CACNA1D: variants seen among roughly 807,000 people sequenced by gnomAD.
The protein encoded by CACNA1D is voltage-dependent L-type calcium channel subunit alpha-1D.
A neutral mutation model predicts 257.1 loss-of-function variants in CACNA1D; 55 were observed. That is an observed-to-expected ratio of 0.21 (90% CI 0.17 to 0.27). The LOEUF is 0.27. Among genes scored for constraint, CACNA1D ranks in the 10% least tolerant of loss-of-function variants. CACNA1D has a pLI of 1.00. For synonymous variants in CACNA1D, 980 were observed against 1,014.9 expected, an observed-to-expected ratio of 0.97 and a Z score of 0.65; for missense variants, 1,876 against 2,784.0, an observed-to-expected ratio of 0.67 and a Z score of 7.34.
intron 8 of CACNA1D, chr3:53,679,850 G>T (rs1020839926): frequency 6.6e-6 from 1 of 152,198 alleles, no homozygotes; most frequent in African/African-American, 2.4e-5. Flanking sequence ...TGAGGTTAGG[G>T]TGCCGGAAAG....
chr3:53,810,244 C>T lies in CACNA1D; in HGVS notation c.6138C>T (p.Ser2046=), dbSNP rs1219662050. The change falls in exon 47 of 48, where the codon AGC becomes AGT. Residue 2046 remains serine, a synonymous_variant. Transcript: ENST00000350061. ...FTPASLTVPS[S]FRNKNSDKQR... The stretch of plus-strand genomic sequence containing the variant: ...CAGCCAGCCTGACTGTCCCCAGCAG[C>T]TTCCGGAACAAAAACAGCGACAAGC... The T allele has an allele frequency of 6.2e-7, 1 of 1,613,830 alleles. No homozygotes were observed. Among genetic ancestry groups the T allele is most frequent in the East Asian group, 2.2e-5 (1 of 44,892 alleles).
At chr3:53,697,388 G>A (rs931227207) in intron 8 of CACNA1D, among the ~76,000 whole-genome samples, 2 of 152,178 alleles carry the variant, frequency 1.3e-5, no homozygotes, top group African/African-American at 2.4e-5. Context: ...ATGAAGTGGC[G>A]CCAAGGGGAA....
intron 3 of CACNA1D, among the ~76,000 whole-genome samples, chr3:53,557,611 C>T (rs2092670522): frequency 1.3e-5 from 2 of 152,150 alleles, no homozygotes; most frequent in East Asian, 3.9e-4. Context: ...AGTGTTTCAA[C>T]TCTATTTGTT....
At position 53,787,144 on chromosome 3, in the gene CACNA1D, C is replaced by G. The variant is rs913316171; in HGVS notation, c.4923+192C>G. Among the ~76,000 whole-genome samples the G allele has an allele frequency of 1.5e-4, 23 of 152,258 alleles. No individual in the cohort carries two copies. The South Asian group carries it at 4.6e-3, about 30-fold the overall frequency. On this transcript the variant is annotated intron_variant, in intron 40 of 47. Transcript: ENST00000350061. ...AGGTAAGTGCTTCCCTCCCCGATGC[C>G]TACCCCATAGAGCCCTGCACCTGCC...
At position 53,651,366 on chromosome 3, in the gene CACNA1D, C is replaced by CTTTTTTTTTTTT. The variant is rs779207160; in HGVS notation, c.623+459_623+470dup. On this transcript the variant is annotated intron_variant, in intron 4 of 47. Transcript: ENST00000350061. Reference sequence around the variant, plus strand: ...TCCCTTGAGCAAAGCTATTAATTTTCTTTTTTTTTTTTTTTTTTTTTTGCT... The same window carrying CTTTTTTTTTTTT: ...TCCCTTGAGCAAAGCTATTAATTTTCTTTTTTTTTTTTTTTTTTTTTTTTTTTTTTTTTTGCT... Among the ~76,000 whole-genome samples, 488 of 81,836 alleles carry CTTTTTTTTTTTT rather than the reference C, an allele frequency of 6.0e-3. 69 individuals carry two copies. The highest frequency in any genetic ancestry group is 8.6e-3 in the African/African-American group (194 of 22,538). The allele number at this position is 81,836 out of a possible 152,430, so 53.7% of individuals were successfully genotyped here.
Position 53,723,645 on chromosome 3 carries a change from C to A in CACNA1D, c.1878C>A (p.Ile626=). Residue 626 remains isoleucine (I), a synonymous_variant, in exon 13 of 48, where the codon ATC becomes ATA. Transcript: ENST00000350061. The surrounding 1 kb of genome is among the most constrained non-coding windows in gnomAD (Gnocchi z 5.6). ...SVFRCVRLLR[I]FKVTRHWTSL... ...TTCGGTGTGTGCGCCTCTTAAGAAT[C>A]TTCAAAGTGACCAGGTAAGGAAATG... 6.2e-7 allele frequency: 1 copy of A among 1,614,024 alleles called. No individual in the cohort carries two copies. Among genetic ancestry groups the A allele is most frequent in the Non-Finnish European group, 8.5e-7 (1 of 1,179,936 alleles).
chr3:53,526,906 T>TA (rs2091785915), intron 3 of CACNA1D, among the ~76,000 whole-genome samples: 1 of 152,238 alleles, frequency 6.6e-6, no homozygotes, highest in Non-Finnish European at 1.5e-5. Flanking sequence ...TATTGCCAGA[T>TA]AAGCTCTTTA....
At chr3:53,587,669 T>C (rs1313596863) in intron 3 of CACNA1D, among the ~76,000 whole-genome samples, 1 of 152,176 alleles carries the variant, frequency 6.6e-6, no homozygotes, top group Non-Finnish European at 1.5e-5. Flanking sequence ...AATTCTGTGA[T>C]TCTTTCGTCT....
At chr3:53,628,625 C>G (rs2093786943) in intron 3 of CACNA1D, among the ~76,000 whole-genome samples, 1 of 152,150 alleles carries the variant, frequency 6.6e-6, no homozygotes, top group Admixed American at 6.6e-5. Context: ...TAAAAAAAAT[C>G]TCTAAGTAGC....
In CACNA1D at chr3:53,590,546, A is replaced by T. The variant is rs190292365; in HGVS notation, c.484-60233A>T. Reference sequence around the variant, plus strand: ...ATTGCCCAGACTGTCTCCTATAGTCAGAAACAGCTCAGAAAGCTTTTATCA... The same window carrying T: ...ATTGCCCAGACTGTCTCCTATAGTCTGAAACAGCTCAGAAAGCTTTTATCA... On this transcript the variant is annotated intron_variant, in intron 3 of 47. Transcript: ENST00000350061. 3.9e-5 allele frequency among the ~76,000 whole-genome samples: 6 copies of T among 152,370 alleles called. No homozygotes were observed. The East Asian group carries it at 1.2e-3, about 29-fold the overall frequency.
At chr3:53,738,499 G>A (rs1456871013) in intron 20 of CACNA1D, among the ~76,000 whole-genome samples, 1 of 152,126 alleles carries the variant, frequency 6.6e-6, no homozygotes, top group Non-Finnish European at 1.5e-5. Flanking sequence ...GGACACAAGG[G>A]CAGTGTTTGG....
chr3:53,569,892 T>A (rs1340440977), intron 3 of CACNA1D, among the ~76,000 whole-genome samples: 3 of 152,124 alleles, frequency 2.0e-5, no homozygotes, highest in Admixed American at 1.3e-4. Context: ...AGTGAAAGAT[T>A]TGGTTCATAG....
At chr3:53,757,480 G>A (rs542929292) in intron 29 of CACNA1D, among the ~76,000 whole-genome samples, 39 of 152,212 alleles carry the variant, frequency 2.6e-4, no homozygotes, top group African/African-American at 7.0e-4. Flanking sequence ...GAGCTTCTAT[G>A]CCTCCCTGCC....
At chr3:53,790,389 G>T (rs1362145641) in intron 40 of CACNA1D, among the ~76,000 whole-genome samples, 1 of 152,194 alleles carries the variant, frequency 6.6e-6, no homozygotes, top group Non-Finnish European at 1.5e-5. Context: ...GAAAAGTTTT[G>T]TTCATTTCTC....
At chr3:53,608,298 G>A (rs1288281747) in intron 3 of CACNA1D, among the ~76,000 whole-genome samples, 1 of 151,880 alleles carries the variant, frequency 6.6e-6, no homozygotes, top group Admixed American at 6.6e-5. Context: ...TTTATTGCTA[G>A]GATATAGAAT....
At chr3:53,771,992 G>A (rs1047308646) in intron 32 of CACNA1D, among the ~76,000 whole-genome samples, 5 of 152,186 alleles carry the variant, frequency 3.3e-5, no homozygotes, top group South Asian at 2.1e-4. Context: ...AAGCTCTCTC[G>A]GATAGTAGAG....
At chr3:53,740,396 G>A in intron 21 of CACNA1D, 57 bp downstream of exon 21, 1 of 1,175,330 alleles carries the variant, frequency 8.5e-7, no homozygotes, top group Non-Finnish European at 1.3e-6. Flanking sequence ...AATAATAGTT[G>A]CACTTCTTTG....
At chr3:53,718,423 C>T (rs1400562327) in intron 10 of CACNA1D, 35 bp downstream of exon 10, 1 of 1,584,998 alleles carries the variant, frequency 6.3e-7, no homozygotes, top group South Asian at 1.1e-5. Context: ...CTTTCCCCTC[C>T]TGTTGTCTCA....
At chr3:53,659,934 T>C (rs114957927) in intron 4 of CACNA1D, among the ~76,000 whole-genome samples, 199 bp from the exon 5 acceptor site, 138 of 152,316 alleles carry the variant, frequency 9.1e-4, no homozygotes, top group African/African-American at 3.1e-3. Context: ...ACAGATGAGG[T>C]TAATCCCTGT....
Sources: gnomAD v4.1 joint callset for allele counts (sites outside exome capture counted in the v4.1 genomes callset) on GRCh38, gnomAD v4.1.1 for gene constraint, Gnocchi (gnomAD v3.1) non-coding constraint, MANE v1.5 for transcripts, NCBI Gene and HGNC (gene_info 2026-07-23, HGNC 2026-07-21) for gene names.